The following SLC4A4 variants were observed in gnomAD, a reference collection of about 807,000 sequenced individuals.
The protein encoded by SLC4A4 is electrogenic sodium bicarbonate cotransporter 1.
A neutral mutation model predicts 111.5 loss-of-function variants in SLC4A4; 27 were observed. The observed-to-expected ratio is 0.24, with a 90% CI of 0.18 to 0.33. The LOEUF is 0.33. Ranked by LOEUF, SLC4A4 falls within the 10% of genes least tolerant of loss-of-function variation. The probability of loss-of-function intolerance (pLI) is 1.00; values close to 1 mark genes in which losing one functional copy is unlikely to be tolerated. For synonymous variants in SLC4A4, 443 were observed against 463.4 expected (o/e 0.96, Z 0.57); for missense variants, 909 against 1,315.5 (o/e 0.69, Z 4.78).
intron 2 of SLC4A4, among the ~76,000 whole-genome samples, chr4:71,095,096 T>C (rs1742503609): frequency 6.6e-6 from 1 of 152,246 alleles, no homozygotes; most frequent in African/African-American, 2.4e-5. Flanking sequence ...GAGCACTATG[T>C]TGAAAAAGGA....
chr4:71,197,397 AAATT>A (rs1203991993), intron 1 of SLC4A4, among the ~76,000 whole-genome samples: 1 of 152,202 alleles, frequency 6.6e-6, no homozygotes, highest in Non-Finnish European at 1.5e-5. Flanking sequence ...TTTCTTGGAA[AAATT>A]AATTAACTTA....
intron 3 of SLC4A4, among the ~76,000 whole-genome samples, chr4:71,292,075 AAG>A (rs1018651638): frequency 3.3e-5 from 5 of 152,226 alleles, no homozygotes; most frequent in African/African-American, 1.2e-4. Context: ...TATAAAAAAA[AAG>A]AAGAGAAATT....
intron 2 of SLC4A4, among the ~76,000 whole-genome samples, chr4:71,154,054 T>C (rs1334815011): frequency 6.6e-6 from 1 of 152,180 alleles, no homozygotes. Context: ...GAGTAGATTA[T>C]GATTGGGGAG....
chr4:71,249,686 CA>C (rs1354509885), intron 2 of SLC4A4, among the ~76,000 whole-genome samples: 6 of 151,980 alleles, frequency 3.9e-5, no homozygotes, highest in Non-Finnish European at 8.8e-5. Context: ...GTCAGGAGTT[CA>C]AAACCAGCCT....
chr4:71,127,842 G>A (rs1743599869), intron 2 of SLC4A4, among the ~76,000 whole-genome samples: 1 of 152,058 alleles, frequency 6.6e-6, no homozygotes. Context: ...TTTGAGTATC[G>A]GCTGGGCACG....
At chr4:71,566,646 C>A (rs77257135) in intron 24 of SLC4A4, among the ~76,000 whole-genome samples, 1,625 of 151,438 alleles carry the variant, frequency 0.011, 19 homozygotes, top group Non-Finnish European at 0.016. Flanking sequence ...AAAAAAAAAT[C>A]TTTTTTTCCT....
Position 71,357,022 on chromosome 4 carries a change from C to G in SLC4A4, c.565C>G (p.His189Asp), listed in dbSNP as rs749691459. The change falls in exon 6 of 26, where the codon CAT becomes GAT. Residue 189 changes from histidine (H) to aspartate (D), a missense_variant. Coordinates refer to ENST00000264485, the MANE Select transcript of SLC4A4 (RefSeq NM_001098484.3). ...LPQLVEMIVD[H>D]QIETGLLKPE... is the part of the protein sequence containing the mutation. ...TTTTGTACCAGAGATGATTGTTGAC[C>G]ATCAGATTGAGACAGGCCTATTGAA... 1 of 1,613,252 alleles carries G rather than the reference C, an allele frequency of 6.2e-7. No individual in the cohort carries two copies. The highest frequency in any genetic ancestry group is 2.2e-5 in the East Asian group (1 of 44,854).
chr4:71,207,827 C>T (rs986223317), intron 1 of SLC4A4, among the ~76,000 whole-genome samples: 5 of 152,124 alleles, frequency 3.3e-5, no homozygotes, highest in East Asian at 3.9e-4. Flanking sequence ...CCTTTTTCTT[C>T]GGGGAGACAG....
At chr4:71,478,203 T>C (rs201234363) in intron 14 of SLC4A4, among the ~76,000 whole-genome samples, 8 of 151,962 alleles carry the variant, frequency 5.3e-5, no homozygotes, top group Non-Finnish European at 1.0e-4. Flanking sequence ...GACAGTGTGG[T>C]GATTCCTCAA....
At chr4:71,342,867 C>A (rs566719949) in intron 4 of SLC4A4, among the ~76,000 whole-genome samples, 1 of 152,088 alleles carries the variant, frequency 6.6e-6, no homozygotes, top group Non-Finnish European at 1.5e-5. Flanking sequence ...CTTGGGAGCA[C>A]GTGTGCCATT....
intron 2 of SLC4A4, among the ~76,000 whole-genome samples, chr4:71,122,658 C>T (rs141491044): frequency 6.6e-6 from 1 of 152,156 alleles, no homozygotes; most frequent in East Asian, 1.9e-4. Flanking sequence ...AGGTGCCTAC[C>T]CTCCGGTGGC....
intron 2 of SLC4A4, among the ~76,000 whole-genome samples, chr4:71,177,274 C>T (rs909619117): frequency 1.6e-4 from 24 of 152,084 alleles, no homozygotes; most frequent in Non-Finnish European, 2.4e-4. Flanking sequence ...CATCAAATAA[C>T]GAGCAAAATA....
intron 1 of SLC4A4, among the ~76,000 whole-genome samples, chr4:71,208,519 A>G (rs1441948043): frequency 6.6e-6 from 1 of 151,488 alleles, no homozygotes; most frequent in African/African-American, 2.4e-5. Context: ...TTATCTGTAA[A>G]ATGAAAAAAT....
intron 7 of SLC4A4, among the ~76,000 whole-genome samples, chr4:71,424,226 A>G (rs1722858462): frequency 6.6e-6 from 1 of 152,168 alleles, no homozygotes; most frequent in Admixed American, 6.6e-5. Flanking sequence ...TGCAGCCAAA[A>G]GACACATGAA....
At chr4:71,213,034 A>G (rs1277985593) in intron 1 of SLC4A4, among the ~76,000 whole-genome samples, 1 of 152,186 alleles carries the variant, frequency 6.6e-6, no homozygotes, top group Non-Finnish European at 1.5e-5. Flanking sequence ...ATGGGTTTGT[A>G]GATTAGGAGC....
intron 6 of SLC4A4, among the ~76,000 whole-genome samples, chr4:71,369,248 G>T (rs1039951241): frequency 1.3e-5 from 2 of 152,224 alleles, no homozygotes; most frequent in African/African-American, 4.8e-5. Context: ...AAGAATGCCT[G>T]AAAGTGTAAG....
At chr4:71,503,487 G>C (rs771435505) in intron 16 of SLC4A4, among the ~76,000 whole-genome samples, 2 of 151,736 alleles carry the variant, frequency 1.3e-5, no homozygotes, top group Non-Finnish European at 2.9e-5. Context: ...CTTTGTGGTT[G>C]CCATGGGGCT....
chr4:71,473,573 G>A (rs1251173497), intron 14 of SLC4A4, among the ~76,000 whole-genome samples: 1 of 151,936 alleles, frequency 6.6e-6, no homozygotes, highest in Non-Finnish European at 1.5e-5. Context: ...TCTAGGAGTA[G>A]ATTTATATTG....
At chr4:71,224,124 C>T (rs1216846699) in intron 1 of SLC4A4, among the ~76,000 whole-genome samples, 1 of 152,014 alleles carries the variant, frequency 6.6e-6, no homozygotes, top group Non-Finnish European at 1.5e-5. Context: ...GAACTCACAT[C>T]CATAGCCGTT....
Sources: gnomAD v4.1 joint callset for allele counts (sites outside exome capture counted in the v4.1 genomes callset) on GRCh38, gnomAD v4.1.1 for gene constraint, MANE v1.5 for transcripts, NCBI Gene and HGNC (gene_info 2026-07-23, HGNC 2026-07-21) for gene names.